Variants in RAD52 observed in about 807,000 individuals in gnomAD.
RAD52 encodes the protein DNA repair protein RAD52 homolog.
Under a neutral mutation model 55.5 loss-of-function variants are expected in RAD52, and 47 were observed. The ratio of observed to expected loss-of-function variants is 0.85; its 90% CI spans 0.67 to 1.08. RAD52 has a LOEUF of 1.08. Among genes scored for constraint, RAD52 ranks in the 50% least tolerant of loss-of-function variants. The pLI is 0.00. For missense variants in RAD52, 468 were observed against 522.8 expected, an observed-to-expected ratio of 0.90 and a Z score of 1.02; for synonymous variants, 184 against 198.9, an observed-to-expected ratio of 0.92 and a Z score of 0.63.
At chr12:988,270 T>C (rs1959113265) in intron 1 of RAD52, among the ~76,000 whole-genome samples, 1 of 152,256 alleles carries the variant, frequency 6.6e-6, no homozygotes, top group African/African-American at 2.4e-5. Context: ...TATTTTAAAT[T>C]TCAAGATCTA....
Position 978,611 on chromosome 12 carries a change from G to C in RAD52, c.-19+11198C>G, listed in dbSNP as rs150467603. On this transcript the variant is annotated intron_variant, in intron 1 of 11. Transcript: ENST00000430095. The stretch of plus-strand genomic sequence containing the variant: ...AGCTCAGGAGTTTGAGACCAGTCTG[G>C]GCAACACAGTGAAACCCCGTCTCCA... Among the ~76,000 whole-genome samples the C allele has an allele frequency of 6.6e-3, 1,011 of 152,112 alleles. 7 individuals are homozygous for C. Among genetic ancestry groups the C allele is most frequent in the Non-Finnish European group, 1.0e-2 (678 of 67,978 alleles).
chr12:981,052 A>C (rs1453338821), intron 1 of RAD52, among the ~76,000 whole-genome samples: 1 of 152,166 alleles, frequency 6.6e-6, no homozygotes, highest in Non-Finnish European at 1.5e-5. Flanking sequence ...AATCATAGCC[A>C]GGTGTGGTAG....
intron 1 of RAD52, among the ~76,000 whole-genome samples, chr12:938,302 T>G (rs865921075): frequency 1.2e-4 from 18 of 152,282 alleles, no homozygotes; most frequent in South Asian, 4.1e-4. Flanking sequence ...AGTTGAAATC[T>G]ACAAAGCAAC....
intron 5 of RAD52, among the ~76,000 whole-genome samples, chr12:928,172 T>C (rs372258861): frequency 1.5e-3 from 234 of 152,322 alleles, no homozygotes; most frequent in Middle Eastern, 0.014. Context: ...TTTAGTACTA[T>C]TTAGAAAAAT....
chr12:944,619 A>AAC (rs1555177725), intron 1 of RAD52, among the ~76,000 whole-genome samples: 9 of 148,660 alleles, frequency 6.1e-5, no homozygotes, highest in Admixed American at 2.7e-4. Context: ...AAAAAAAAAA[A>AAC]AAAAAAAAAC....
intron 1 of RAD52, among the ~76,000 whole-genome samples, chr12:989,605 T>G (rs539898881): frequency 2.0e-5 from 3 of 152,344 alleles, no homozygotes; most frequent in South Asian, 2.1e-4. Context: ...GGACAGTATT[T>G]CCGTGTATAA....
rs565068619 is a variant in RAD52 at position 912,212 on chromosome 12, C to T, written c.*1179G>A. 5.1e-6 allele frequency: 1 copy of T among 195,664 alleles called. No homozygotes were observed. The highest frequency in any genetic ancestry group is 7.9e-5 in the East Asian group (1 of 12,660). 12.1% of individuals were successfully genotyped at this position (195,664 alleles called of 1,614,324 possible). A position where few individuals can be genotyped will look rare whatever the true frequency, so the allele number is the denominator to read the frequency against. The stretch of plus-strand genomic sequence containing the variant: ...TCTGAGATCAGAAAATTTCTGAGCA[C>T]TGACGTGATGCCAGAAGTGGAAAAT... On this transcript the variant is annotated 3_prime_UTR_variant, in exon 12 of 12. Coordinates refer to ENST00000358495, the MANE Select transcript of RAD52 (RefSeq NM_134424.4).
At chr12:971,802 C>T (rs972487731) in intron 1 of RAD52, among the ~76,000 whole-genome samples, 4 of 151,880 alleles carry the variant, frequency 2.6e-5, no homozygotes, top group African/African-American at 7.3e-5. Flanking sequence ...GGCTGGAGTG[C>T]AGTGGCGCGA....
At chr12:989,075 CAG>C (rs1436671753) in intron 1 of RAD52, among the ~76,000 whole-genome samples, 2 of 152,222 alleles carry the variant, frequency 1.3e-5, no homozygotes, top group Admixed American at 6.5e-5. Flanking sequence ...CCCAGATTAT[CAG>C]AGTGCTTAAT....
At chr12:931,708 T>C (rs561436970) in intron 2 of RAD52, among the ~76,000 whole-genome samples, 1 of 152,344 alleles carries the variant, frequency 6.6e-6, no homozygotes, top group African/African-American at 2.4e-5. Context: ...ACCATCCTTA[T>C]AAATGTTTCT....
chr12:956,994 G>A (rs1031790829), intron 1 of RAD52, among the ~76,000 whole-genome samples: 1 of 152,172 alleles, frequency 6.6e-6, no homozygotes, highest in Non-Finnish European at 1.5e-5. Context: ...AATGTTAATT[G>A]CATTCTTTTT....
At position 914,060 on chromosome 12, in the gene RAD52, G is replaced by A. The variant is rs769982264; in HGVS notation, c.1029C>T (p.Val343=). 6.2e-7 allele frequency: 1 copy of A among 1,614,128 alleles called. No homozygotes were observed. Among genetic ancestry groups the A allele is most frequent in the Non-Finnish European group, 8.5e-7 (1 of 1,180,034 alleles). Reference sequence around the variant, plus strand: ...CTGGGTCTGCTCTAGACGAGGGCTTGACCACACCATCCCCTGCATCGGGAG... The same window carrying A: ...CTGGGTCTGCTCTAGACGAGGGCTTAACCACACCATCCCCTGCATCGGGAG... ...AVTPDAGDGV[V]KPSSRADPAQ... Residue 343 remains valine (V), a synonymous_variant, in exon 11 of 12, where the codon GTC becomes GTT. Coordinates refer to ENST00000358495, the MANE Select transcript of RAD52 (RefSeq NM_134424.4).
At chr12:926,692 C>T in intron 6 of RAD52, 1 of 1,241,268 alleles carries the variant, frequency 8.1e-7, no homozygotes, top group Middle Eastern at 2.7e-4. Context: ...CCAATCAAAC[C>T]TCCTTTATTT....
chr12:913,522 G>T, intron 11 of RAD52, 70 bp from the exon 12 acceptor site: 1 of 1,138,510 alleles, frequency 8.8e-7, no homozygotes, highest in South Asian at 1.3e-5. Flanking sequence ...AATGATTTCT[G>T]GATTATATTA....
intron 1 of RAD52, among the ~76,000 whole-genome samples, chr12:971,768 G>C (rs1275721049): frequency 6.8e-6 from 1 of 146,554 alleles, no homozygotes; most frequent in African/African-American, 2.5e-5. Flanking sequence ...TTTTTTTTTT[G>C]AGACGGAGTC....
chr12:950,298 G>C (rs910615423), upstream of RAD52, among the ~76,000 whole-genome samples: 5 of 152,188 alleles, frequency 3.3e-5, no homozygotes, highest in African/African-American at 1.2e-4. Flanking sequence ...GGGGCCGGGC[G>C]TGGTGGCTCA....
chr12:978,142 C>T (rs186442490), intron 1 of RAD52, among the ~76,000 whole-genome samples: 229 of 152,320 alleles, frequency 1.5e-3, no homozygotes, highest in African/African-American at 5.2e-3. Flanking sequence ...TGAGTAGAGG[C>T]ACCAACTGTC....
chr12:952,257 C>T (rs1315408830), upstream of RAD52, among the ~76,000 whole-genome samples: 4 of 152,090 alleles, frequency 2.6e-5, no homozygotes, highest in Admixed American at 6.6e-5. Flanking sequence ...TGACACTATG[C>T]CTGGCTAATT....
intron 1 of RAD52, among the ~76,000 whole-genome samples, chr12:938,223 A>C: frequency 6.6e-6 from 1 of 152,222 alleles, no homozygotes; most frequent in East Asian, 1.9e-4. Flanking sequence ...TTCCTGATGG[A>C]CGCACTAAGA....
Sources: allele counts gnomAD v4.1 joint callset (sites outside exome capture counted in the v4.1 genomes callset), GRCh38; gene constraint gnomAD v4.1.1; transcripts MANE v1.5; gene names NCBI Gene and HGNC (gene_info 2026-07-23, HGNC 2026-07-21).